Variants in ECPAS observed in about 807,000 individuals in gnomAD.
ECPAS encodes the protein Ecm29 proteasome adaptor and scaffold.
A neutral mutation model predicts 255.1 loss-of-function variants in ECPAS; 70 were observed. The ratio of observed to expected loss-of-function variants is 0.27; its 90% confidence interval spans 0.23 to 0.33. The LOEUF (loss-of-function observed/expected upper bound fraction) is 0.33, where lower values mean the gene tolerates loss of function less well. ECPAS is among the 10% of genes least tolerant of loss of function. The probability of loss-of-function intolerance (pLI) is 1.00; values close to 1 mark genes in which losing one functional copy is unlikely to be tolerated. For missense variants in ECPAS, 1,817 were observed against 2,206.4 expected (o/e 0.82, Z 3.54); for synonymous variants, 784 against 775.0 (o/e 1.01, Z -0.19).
At chr9:111,465,408 C>T (rs1192628052) in intron 2 of ECPAS, among the ~76,000 whole-genome samples, 3 of 151,098 alleles carry the variant, frequency 2.0e-5, no homozygotes, top group Admixed American at 6.6e-5. Context: ...GGCATGGTGG[C>T]GGGCGCCTGT....
chr9:111,434,975 G>A lies in ECPAS; in HGVS notation c.709-1603C>T, dbSNP rs371383535. Among the ~76,000 whole-genome samples the A allele has an allele frequency of 1.7e-4, 24 of 139,104 alleles. No homozygotes were observed. In the East Asian group the frequency reaches 3.2e-3, roughly 19 times the overall value. The allele number at this position is 139,104 out of a possible 152,430, so 91.3% of individuals were successfully genotyped here. On this transcript the variant is annotated intron_variant, in intron 7 of 49. Coordinates refer to ENST00000684092, the MANE Select transcript of ECPAS (RefSeq NM_001364929.1). ...GTGTCATGGCACAATGTCAGCTCAC[G>A]GCAACCCCCACCTCCTGGGTTCAAG...
At chr9:111,384,107 G>A (rs565480543) in intron 34 of ECPAS, among the ~76,000 whole-genome samples, 24 of 152,220 alleles carry the variant, frequency 1.6e-4, no homozygotes, top group African/African-American at 5.8e-4. Context: ...CAAGGTTTGT[G>A]CAACTAGAAT....
At chr9:111,377,619 A>C (rs16916028) in intron 36 of ECPAS, among the ~76,000 whole-genome samples, 6,249 of 152,276 alleles carry the variant, frequency 0.041, 278 homozygotes, top group East Asian at 0.14. Context: ...TAATTTAAAA[A>C]ACAAATCACA....
At chr9:111,460,715 T>C (rs942062936) in intron 2 of ECPAS, among the ~76,000 whole-genome samples, 4 of 152,092 alleles carry the variant, frequency 2.6e-5, no homozygotes, top group Non-Finnish European at 5.9e-5. Flanking sequence ...ATCGAATAGC[T>C]GGGAATTAAT....
rs529303952 is a variant in ECPAS at position 111,453,430 on chromosome 9, T to TG, written c.23-1876dup. Among the ~76,000 whole-genome samples, 107 of 152,114 alleles carry TG rather than the reference T, an allele frequency of 7.0e-4. 1 individual carries two copies. Among genetic ancestry groups the TG allele is most frequent in the Middle Eastern group, 3.4e-3 (1 of 294 alleles). Reference sequence around the variant, plus strand: ...ATAATTATTGAATGATGAAAGAAACTGGGGGGGAAGAGGCAAATTTTTCTT... The same window carrying TG: ...ATAATTATTGAATGATGAAAGAAACTGGGGGGGGAAGAGGCAAATTTTTCTT... On this transcript the variant is annotated intron_variant, in intron 2 of 49. Transcript: ENST00000684092.
chr9:111,461,792 C>T (rs774358199), intron 2 of ECPAS, among the ~76,000 whole-genome samples: 2 of 152,168 alleles, frequency 1.3e-5, no homozygotes, highest in African/African-American at 2.4e-5. Context: ...TGGAGAACTA[C>T]AGTTCCATGT....
intron 9 of ECPAS, among the ~76,000 whole-genome samples, chr9:111,428,604 A>G (rs1296474011): frequency 6.6e-6 from 1 of 152,196 alleles, no homozygotes; most frequent in Non-Finnish European, 1.5e-5. Context: ...AATAAGTAAC[A>G]AAAACCTCGC....
intron 18 of ECPAS, 53 bp from the exon 19 acceptor site, chr9:111,414,704 G>T (rs2098200443): frequency 3.4e-6 from 5 of 1,454,232 alleles, no homozygotes; most frequent in Non-Finnish European, 3.8e-6. Flanking sequence ...AAGTCAGTGT[G>T]GGAAGGTACT....
chr9:111,406,301 T>C (rs1458377590), intron 24 of ECPAS, among the ~76,000 whole-genome samples: 1 of 149,666 alleles, frequency 6.7e-6, no homozygotes, highest in East Asian at 2.0e-4. Context: ...CTCACTTGTA[T>C]GTGAGAAAAC....
chr9:111,484,367 G>C lies in ECPAS; in HGVS notation c.-334C>G. ...ACCTGGGGAAACACGCCTGTCCAAA[G>C]GAAGAGACGTGGACTCAGAAAAGTA... is the stretch of plus-strand genomic sequence containing the variant. On this transcript the variant is annotated 5_prime_UTR_variant, in exon 1 of 50. Transcript: ENST00000684092. 6.2e-7 allele frequency: 1 copy of C among 1,611,582 alleles called. No homozygotes were observed. The highest frequency in any genetic ancestry group is 2.2e-5 in the East Asian group (1 of 44,834).
At chr9:111,424,821 T>G (rs911768890) in intron 12 of ECPAS, among the ~76,000 whole-genome samples, 4 of 152,194 alleles carry the variant, frequency 2.6e-5, no homozygotes, top group Non-Finnish European at 5.9e-5. Context: ...TTAATTCCAT[T>G]TTTGCACAAT....
At chr9:111,473,744 A>G (rs973840473) in intron 1 of ECPAS, among the ~76,000 whole-genome samples, 1 of 152,202 alleles carries the variant, frequency 6.6e-6, no homozygotes, top group African/African-American at 2.4e-5. Flanking sequence ...AGGAGGGCAG[A>G]TTGCTTGAGT....
rs2098311729 is a variant in ECPAS at position 111,484,158 on chromosome 9, C to T, written c.-125G>A. On this transcript the variant is annotated 5_prime_UTR_variant, in exon 1 of 50. Transcript: ENST00000684092. ...TCCATGCCGCGGACGCTGCGCTCGG[C>T]GCCGCGAGGTGAGGGCTGTAGAGCG... 53 of 1,472,244 alleles carry T rather than the reference C, an allele frequency of 3.6e-5. No homozygotes were observed. Among genetic ancestry groups the T allele is most frequent in the Non-Finnish European group, 4.6e-5 (51 of 1,114,510 alleles). 91.2% of individuals were successfully genotyped at this position (1,472,244 alleles called of 1,614,324 possible). A position where few individuals can be genotyped will look rare whatever the true frequency, so the allele number is the denominator to read the frequency against.
At chr9:111,430,762 T>G in intron 8 of ECPAS, 134 bp from the exon 9 acceptor site, 1 of 675,340 alleles carries the variant, frequency 1.5e-6, no homozygotes, top group Non-Finnish European at 2.6e-6. Flanking sequence ...GCAATTGACA[T>G]TGTAGAAGAG....
In ECPAS at chr9:111,442,367, A is replaced by G. The variant is rs756332771; in HGVS notation, c.328T>C (p.Cys110Arg). 6.2e-7 allele frequency: 1 copy of G among 1,613,230 alleles called. No homozygotes were observed. The highest frequency in any genetic ancestry group is 8.5e-7 in the Non-Finnish European group (1 of 1,179,546). ...GYPRLPVEKQCELAPTLLTAM... is the reference protein window; with the variant it reads ...GYPRLPVEKQRELAPTLLTAM... ...GTAAGAAGCGTAGGGGCCAGTTCAC[A>G]TTGTTTTTCCACTGGTAGGCGAGGA... The change falls in exon 5 of 50, where the codon TGT (cysteine) becomes CGT (arginine). Residue 110 changes from cysteine (C) to arginine (R), a missense_variant. Transcript: ENST00000684092.
At chr9:111,415,928 T>C (rs2098202829) in intron 18 of ECPAS, among the ~76,000 whole-genome samples, 1 of 152,128 alleles carries the variant, frequency 6.6e-6, no homozygotes, top group Admixed American at 6.6e-5. Flanking sequence ...AATTTAATCC[T>C]CTCCAACCTT....
chr9:111,480,789 G>T (rs1422599909), intron 1 of ECPAS, among the ~76,000 whole-genome samples: 1 of 152,184 alleles, frequency 6.6e-6, no homozygotes, highest in Non-Finnish European at 1.5e-5. Context: ...TGTGGCTGAT[G>T]ACTGACAATT....
chr9:111,372,177 T>G (rs2098128174), intron 42 of ECPAS, among the ~76,000 whole-genome samples: 1 of 152,186 alleles, frequency 6.6e-6, no homozygotes, highest in Non-Finnish European at 1.5e-5. Context: ...CTCACAGGGT[T>G]TATATTCTCT....
At chr9:111,480,832 G>A (rs2098303712) in intron 1 of ECPAS, among the ~76,000 whole-genome samples, 1 of 152,174 alleles carries the variant, frequency 6.6e-6, no homozygotes, top group Non-Finnish European at 1.5e-5. Context: ...GGCAAGGATT[G>A]GAATTATTTG....
Sources: allele counts gnomAD v4.1 joint callset (sites outside exome capture counted in the v4.1 genomes callset), GRCh38; gene constraint gnomAD v4.1.1; transcripts MANE v1.5; gene names NCBI Gene and HGNC (gene_info 2026-07-23, HGNC 2026-07-21).